The following FES variants were observed in gnomAD, a reference collection of about 807,000 sequenced individuals.
FES encodes the protein FES proto-oncogene, tyrosine kinase.
FES carries 83 observed loss-of-function variants against 109.6 expected under a neutral mutation model. The observed-to-expected ratio is 0.76, with a 90% CI of 0.63 to 0.91. The LOEUF (loss-of-function observed/expected upper bound fraction) is 0.91, where lower values mean the gene tolerates loss of function less well. Among genes scored for constraint, FES ranks in the 40% least tolerant of loss-of-function variants. FES has a pLI of 0.00. For synonymous variants in FES, 458 were observed against 442.1 expected (o/e 1.04, Z -0.45); for missense variants, 943 against 1,070.9 (o/e 0.88, Z 1.67).
rs748706819 is a variant in FES at position 90,893,124 on chromosome 15, C to T, written c.1851C>T (p.Pro617=). 40 of 1,613,778 alleles carry T rather than the reference C, an allele frequency of 2.5e-5. No homozygotes were observed. In the South Asian group the frequency reaches 3.3e-4, roughly 13 times the overall value. The change falls in exon 15 of 19, where the codon CCC becomes CCT. Residue 617 remains proline, a synonymous_variant. Transcript: ENST00000328850. Reference sequence around the variant, plus strand: ...GGATCCTGAAGCAGTACAGCCACCCCAACATCGTGCGTCTCATTGGTGTCT... The same window carrying T: ...GGATCCTGAAGCAGTACAGCCACCCTAACATCGTGCGTCTCATTGGTGTCT... ...EARILKQYSH[P]NIVRLIGVCT...
At position 90,889,477 on chromosome 15, in the gene FES, G is replaced by T. The variant is rs111693762; in HGVS notation, c.806+34G>T. On this transcript the variant is annotated intron_variant, in intron 6 of 18. Coordinates refer to ENST00000328850, the MANE Select transcript of FES (RefSeq NM_002005.4). This position sits in a 1 kb window ranked among gnomAD's most constrained non-coding sequence, Gnocchi z 6.1. ...CGTCCTTGCTCCTGCTGGGCCCAGGGCTGCTGGCCTGTCCACTGACGGGGC... is the reference window on the plus strand; with the variant it reads ...CGTCCTTGCTCCTGCTGGGCCCAGGTCTGCTGGCCTGTCCACTGACGGGGC... The T allele has an allele frequency of 0.036, 58,035 of 1,613,818 alleles. 1,242 individuals are homozygous for T. Among genetic ancestry groups the T allele is most frequent in the Non-Finnish European group, 0.042 (49,826 of 1,179,952 alleles).
chr15:90,885,942 C>T (rs966227809), intron 3 of FES, among the ~76,000 whole-genome samples: 2 of 147,428 alleles, frequency 1.4e-5, no homozygotes, highest in South Asian at 4.3e-4. Context: ...TTGCCTTCGA[C>T]CTAGGCAGCC....
intron 3 of FES, among the ~76,000 whole-genome samples, chr15:90,886,014 C>G (rs763091442): frequency 6.6e-6 from 1 of 152,198 alleles, no homozygotes; most frequent in Non-Finnish European, 1.5e-5. Flanking sequence ...GGATTCGGGC[C>G]GTGAAGTCAG....
At position 90,889,036 on chromosome 15, in the gene FES, G is replaced by T. The variant is rs777510995; in HGVS notation, c.669-270G>T. ...CGAACTGACCTCAGGCAATCCACCC[G>T]CCTCGACCTCCCAGTGTTGGTATTA... On this transcript the variant is annotated intron_variant, in intron 5 of 18. Transcript: ENST00000328850. The surrounding 1 kb of genome is among the most constrained non-coding windows in gnomAD (Gnocchi z 6.1). Among the ~76,000 whole-genome samples, 1 of 152,156 alleles carries T rather than the reference G, an allele frequency of 6.6e-6. No homozygotes were observed. Among genetic ancestry groups the T allele is most frequent in the Non-Finnish European group, 1.5e-5 (1 of 68,026 alleles).
At chr15:90,892,172 CCCCTGCCCTACCACCCAGAGACCT>C in intron 13 of FES, 61 bp downstream of exon 13, 1 of 1,594,494 alleles carries the variant, frequency 6.3e-7, no homozygotes, top group Non-Finnish European at 8.6e-7. Flanking sequence ...GCGCCTGGGC[CCCCTGCCCTACCACCCAGAGACCT>C]CCCTGCCCCA....
rs143824045 is a variant in FES, at chr15:90,890,433, G to A, written c.1269G>A (p.Thr423=). 189 of 1,613,078 alleles carry A rather than the reference G, an allele frequency of 1.2e-4. No individual in the cohort carries two copies. In the African/African-American group the frequency reaches 2.1e-3, roughly 18 times the overall value. Residue 423 remains threonine, a synonymous_variant, in exon 10 of 19, where the codon ACG becomes ACA. Transcript: ENST00000328850. ...EQEREGGRTP[T]LEILKSHISG... The stretch of plus-strand genomic sequence containing the variant: ...AGCGAGAGGGGGGAAGGACACCCAC[G>A]CTGGAGATCCTTAAGAGCCACATCT...
intron 18 of FES, among the ~76,000 whole-genome samples, chr15:90,894,286 C>CA (rs1286627747): frequency 6.6e-6 from 1 of 151,864 alleles, no homozygotes; most frequent in African/African-American, 2.4e-5. Flanking sequence ...TCCATCTGTA[C>CA]AAAAAATACA....
chr15:90,888,255 G>C (rs1005662225), intron 5 of FES, among the ~76,000 whole-genome samples: 1 of 152,042 alleles, frequency 6.6e-6, no homozygotes, highest in Non-Finnish European at 1.5e-5. Flanking sequence ...ACGGGCATGC[G>C]CCACCACACC....
chr15:90,893,848 G>C (rs377143956), intron 17 of FES, 37 bp downstream of exon 17: 2 of 1,599,150 alleles, frequency 1.3e-6, no homozygotes, highest in Non-Finnish European at 1.7e-6. Context: ...TCCATGGCCA[G>C]AGGCCAGGCC....
At position 90,895,456 on chromosome 15, in the gene FES, G is replaced by T. The variant is rs371584298; in HGVS notation, c.2367G>T (p.Val789=). Residue 789 remains valine (V), a synonymous_variant, in exon 19 of 19, where the codon GTG becomes GTT. Transcript: ENST00000328850. ...GCCCAGAGCTGTGTCCTGATGCCGT[G>T]TTCAGGCTCATGGAGCAGTGCTGGG... ...LPCPELCPDA[V]FRLMEQCWAY... 6.3e-7 allele frequency: 1 copy of T among 1,587,822 alleles called. No individual in the cohort carries two copies. Among genetic ancestry groups the T allele is most frequent in the Non-Finnish European group, 8.6e-7 (1 of 1,164,830 alleles).
chr15:90,891,797 A>C (rs989147128), intron 12 of FES, 121 bp downstream of exon 12: 1 of 1,421,214 alleles, frequency 7.0e-7, no homozygotes, highest in African/African-American at 1.4e-5. Flanking sequence ...TACAAGATGC[A>C]GAGTGAGTGA....
chr15:90,885,371 ATTGTGCCCCCC>A (rs1411105921), intron 2 of FES, 30 bp from the exon 3 acceptor site: 3 of 1,597,678 alleles, frequency 1.9e-6, no homozygotes, highest in Non-Finnish European at 2.6e-6. Flanking sequence ...CTTGGGAGCC[ATTGTGCCCCCC>A]TCCCTGCCTC....
Position 90,893,802 on chromosome 15 carries a change from C to G in FES, c.2194C>G (p.Leu732Val), listed in dbSNP as rs772380173. The change falls in exon 17 of 19, where the codon CTT becomes GTT. Residue 732 changes from leucine to valine, a missense_variant. Physicochemically the swap from Leu to Val is conservative, Grantham distance 32 (BLOSUM62 1). Coordinates refer to ENST00000328850, the MANE Select transcript of FES (RefSeq NM_002005.4). The part of the protein sequence containing the change: ...VPVKWTAPEA[L>V]NYGRYSSESD... ...CGTGAAGTGGACCGCACCTGAGGCC[C>G]TTAACTACGGTACCTAGTCCCTGTC... 1 of 1,594,086 alleles carries G rather than the reference C, an allele frequency of 6.3e-7. No homozygotes were observed. Among genetic ancestry groups the G allele is most frequent in the Non-Finnish European group, 8.6e-7 (1 of 1,168,754 alleles).
At position 90,895,416 on chromosome 15, in the gene FES, G is replaced by C; in HGVS notation, c.2327G>C (p.Gly776Ala). The C allele has an allele frequency of 6.5e-7, 1 of 1,530,760 alleles. No individual in the cohort carries two copies. Among genetic ancestry groups the C allele is most frequent in the Non-Finnish European group, 8.8e-7 (1 of 1,134,042 alleles). 94.8% of individuals were successfully genotyped at this position (1,530,760 alleles called of 1,614,324 possible). ...NQQTREFVEK[G>A]GRLPCPELCP... ...TGGTGTGCTGTGCCTCTCCTCACAG[G>C]GGGCCGTCTGCCCTGCCCAGAGCTG... The change falls in exon 19 of 19, where the codon GGG becomes GCG. Residue 776 changes from glycine to alanine, a missense_variant and splice_region_variant. Coordinates refer to ENST00000328850, the MANE Select transcript of FES (RefSeq NM_002005.4).
Position 90,893,940 on chromosome 15 carries a change from C to T in FES, c.2208C>T (p.Arg736=). Residue 736 remains arginine, a synonymous_variant, in exon 18 of 19, where the codon CGC becomes CGT. Coordinates refer to ENST00000328850, the MANE Select transcript of FES (RefSeq NM_002005.4). ...WTAPEALNYG[R]YSSESDVWSF... is the part of the protein sequence containing the mutation. ...ACCTCCTCGCCTCCTCTGCAGGCCG[C>T]TACTCCTCCGAAAGCGACGTGTGGA... The T allele has an allele frequency of 6.2e-7, 1 of 1,613,674 alleles. No homozygotes were observed. The highest frequency in any genetic ancestry group is 8.5e-7 in the Non-Finnish European group (1 of 1,179,988).
At chr15:90,894,771 C>T (rs1347369612) in intron 18 of FES, among the ~76,000 whole-genome samples, 2 of 148,598 alleles carry the variant, frequency 1.3e-5, no homozygotes, top group Non-Finnish European at 3.0e-5. Flanking sequence ...GACCTTGACT[C>T]GAAAAAGAAA....
Position 90,889,550 on chromosome 15 carries a change from C to T in FES, c.840C>T (p.Phe280=), listed in dbSNP as rs111243334. The part of the protein sequence containing the change: ...SAPDVPPCVT[F]DESLLEEGEP... Reference sequence around the variant, plus strand: ...CTGACGTCCCACCCTGTGTCACGTTCGATGAGTCACTGCTTGAGGAGGGTG... The same window carrying T: ...CTGACGTCCCACCCTGTGTCACGTTTGATGAGTCACTGCTTGAGGAGGGTG... Residue 280 remains phenylalanine (F), a synonymous_variant, in exon 7 of 19, where the codon TTC becomes TTT. Coordinates refer to ENST00000328850, the MANE Select transcript of FES (RefSeq NM_002005.4). This position sits in a 1 kb window ranked among gnomAD's most constrained non-coding sequence, Gnocchi z 6.1. 87 of 1,613,744 alleles carry T rather than the reference C, an allele frequency of 5.4e-5. No individual in the cohort carries two copies. Among genetic ancestry groups the T allele is most frequent in the African/African-American group, 3.3e-4 (25 of 74,982 alleles).
In FES at chr15:90,891,236, C is replaced by G. The variant is rs1396927946; in HGVS notation, c.1530+45C>G. 3 of 1,536,744 alleles carry G rather than the reference C, an allele frequency of 2.0e-6. No homozygotes were observed. In the South Asian group the frequency reaches 3.6e-5, roughly 18 times the overall value. On this transcript the variant is annotated intron_variant, in intron 11 of 18. Transcript: ENST00000328850. ...GAGCCTTCCAGGCCTCACTCTTCCCCTCCCTTCCCTTCCCCAAGGGAAATG... is the reference window on the plus strand; with the variant it reads ...GAGCCTTCCAGGCCTCACTCTTCCCGTCCCTTCCCTTCCCCAAGGGAAATG...
intron 13 of FES, 100 bp downstream of exon 13, chr15:90,892,211 A>T (rs1047807972): frequency 2.3e-5 from 31 of 1,335,148 alleles, no homozygotes; most frequent in Non-Finnish European, 1.9e-5. Flanking sequence ...GCCCCATCTG[A>T]TTCCCCACTT....
Sources: gnomAD v4.1 joint callset for allele counts (sites outside exome capture counted in the v4.1 genomes callset) on GRCh38, gnomAD v4.1.1 for gene constraint, Gnocchi (gnomAD v3.1) non-coding constraint, MANE v1.5 for transcripts, NCBI Gene and HGNC (gene_info 2026-07-23, HGNC 2026-07-21) for gene names.